Variants in ARFGEF3 observed in about 807,000 individuals in gnomAD.
ARFGEF3 encodes the protein brefeldin A-inhibited guanine nucleotide-exchange protein 3.
In ARFGEF3, 96 loss-of-function variants were observed where a neutral mutation model predicts 221.7. The observed-to-expected ratio is 0.43, with a 90% CI of 0.37 to 0.51. The LOEUF is 0.51. Ranked by LOEUF, ARFGEF3 falls within the 20% of genes least tolerant of loss-of-function variation. ARFGEF3 has a pLI of 0.00. For missense variants in ARFGEF3, 2,410 were observed against 2,789.9 expected (o/e 0.86, Z 3.07); for synonymous variants, 1,145 against 1,126.8 (o/e 1.02, Z -0.32).
chr6:138,190,461 T>A (rs1053977174), intron 2 of ARFGEF3, among the ~76,000 whole-genome samples: 6 of 152,126 alleles, frequency 3.9e-5, no homozygotes, highest in Non-Finnish European at 7.4e-5. Context: ...AATGGTACAG[T>A]TGATCTCAGA....
rs1250054700 is a variant in ARFGEF3, at chr6:138,207,114, A to G, written c.210A>G (p.Ala70=). 9 of 1,610,224 alleles carry G rather than the reference A, an allele frequency of 5.6e-6. No individual in the cohort carries two copies. In the Admixed American group the frequency reaches 8.4e-5, roughly 15 times the overall value. The change falls in exon 3 of 34, where the codon GCA becomes GCG. Residue 70 remains alanine (A), a synonymous_variant. Transcript: ENST00000251691. ...TGAAGCTGGCCCAACATGCTTTGGCAGGGATGCAGGTATGGCTTTGACTGA... is the reference window on the plus strand; with the variant it reads ...TGAAGCTGGCCCAACATGCTTTGGCGGGGATGCAGGTATGGCTTTGACTGA... ...KNVKLAQHAL[A]GMQKLLSEER... is the part of the protein sequence containing the mutation.
chr6:138,226,130 C>A (rs182101522), intron 4 of ARFGEF3, among the ~76,000 whole-genome samples: 3 of 152,246 alleles, frequency 2.0e-5, no homozygotes, highest in African/African-American at 7.2e-5. Context: ...ACAGAGAAAC[C>A]CCCGATCATG....
intron 2 of ARFGEF3, among the ~76,000 whole-genome samples, chr6:138,201,657 T>C (rs192157629): frequency 1.5e-3 from 222 of 152,248 alleles, no homozygotes; most frequent in African/African-American, 5.0e-3. Flanking sequence ...AATGGGCTTT[T>C]TGGGGACTTG....
chr6:138,212,615 T>G (rs1777751731), intron 4 of ARFGEF3, among the ~76,000 whole-genome samples: 1 of 152,152 alleles, frequency 6.6e-6, no homozygotes, highest in Non-Finnish European at 1.5e-5. Context: ...AGCAAAGACT[T>G]GGAACCAACC....
chr6:138,295,064 T>A (rs1457789511), intron 20 of ARFGEF3, among the ~76,000 whole-genome samples: 1 of 152,152 alleles, frequency 6.6e-6, no homozygotes, highest in Non-Finnish European at 1.5e-5. Flanking sequence ...TTTCAGAGAA[T>A]CTCTGAGCCT....
rs1777113882 is a variant in ARFGEF3 at position 138,183,112 on chromosome 6, G to A, written c.137+12399G>A. ...GGTAGGACAGAAGCCAGGAAACTGG[G>A]TCCAGCTGTGCTTGGGGGTTGGGAG... is the stretch of plus-strand genomic sequence containing the variant. On this transcript the variant is annotated intron_variant, in intron 2 of 33. Coordinates refer to ENST00000251691, the MANE Select transcript of ARFGEF3 (RefSeq NM_020340.5). 2.0e-5 allele frequency among the ~76,000 whole-genome samples: 3 copies of A among 152,306 alleles called. No homozygotes were observed. In the South Asian group the frequency reaches 6.2e-4, roughly 32 times the overall value.
chr6:138,287,311 C>T, intron 17 of ARFGEF3, 127 bp downstream of exon 17: 1 of 677,864 alleles, frequency 1.5e-6, no homozygotes, highest in South Asian at 1.8e-5. Flanking sequence ...GTATACACCA[C>T]TGATCACGAG....
intron 12 of ARFGEF3, 98 bp from the exon 13 acceptor site, chr6:138,278,353 A>G: frequency 9.6e-7 from 1 of 1,045,178 alleles, no homozygotes; most frequent in Non-Finnish European, 1.4e-6. Context: ...TATCCTATTG[A>G]TGCAGTATCT....
At position 138,286,775 on chromosome 6, in the gene ARFGEF3, G is replaced by T; in HGVS notation, c.2644G>T (p.Gly882Cys). 6.2e-7 allele frequency: 1 copy of T among 1,614,062 alleles called. No individual in the cohort carries two copies. The highest frequency in any genetic ancestry group is 1.1e-5 in the South Asian group (1 of 91,084). The part of the protein sequence containing the change: ...LIDTLSTPLT[G>C]RMAGSSKGLA... ...CGATACTTTATCAACCCCACTGACT[G>T]GTCGAATGGCGGGGAGCTCCAAAGG... is the stretch of plus-strand genomic sequence containing the variant. Residue 882 changes from glycine to cysteine, a missense_variant, in exon 16 of 34, where the codon GGT becomes TGT. Gly to Cys is a radical substitution (Grantham distance 159). Transcript: ENST00000251691.
chr6:138,291,793 C>A lies in ARFGEF3; in HGVS notation c.3108C>A (p.Pro1036=). Residue 1036 remains proline (P), a synonymous_variant, in exon 19 of 34, where the codon CCC becomes CCA. Coordinates refer to ENST00000251691, the MANE Select transcript of ARFGEF3 (RefSeq NM_020340.5). The surrounding 1 kb of genome is among the most constrained non-coding windows in gnomAD (Gnocchi z 4.5). ...HNHFSDGASQ[P]PLTISQPQKA... is the part of the protein sequence containing the mutation. ...ACTTCAGCGATGGTGCCTCGCAGCC[C>A]CCTCTGACCATCAGCCAGCCCCAGA... 1 of 1,473,834 alleles carries A rather than the reference C, an allele frequency of 6.8e-7. No individual in the cohort carries two copies. The highest frequency in any genetic ancestry group is 2.6e-5 in the East Asian group (1 of 39,130). 91.3% of individuals were successfully genotyped at this position (1,473,834 alleles called of 1,614,324 possible).
chr6:138,238,110 G>GCTAACCCT (rs1778320309), intron 5 of ARFGEF3, among the ~76,000 whole-genome samples: 1 of 152,186 alleles, frequency 6.6e-6, no homozygotes, highest in Admixed American at 6.5e-5. Flanking sequence ...AAAGCGTTTT[G>GCTAACCCT]CTAACCCTTT....
intron 4 of ARFGEF3, among the ~76,000 whole-genome samples, chr6:138,214,242 A>G (rs1199458292): frequency 6.6e-6 from 1 of 152,136 alleles, no homozygotes; most frequent in Non-Finnish European, 1.5e-5. Flanking sequence ...GAATTAGATG[A>G]GTCCCCAGAG....
At chr6:138,275,310 A>G (rs542087508) in intron 12 of ARFGEF3, among the ~76,000 whole-genome samples, 19 of 152,068 alleles carry the variant, frequency 1.2e-4, no homozygotes, top group African/African-American at 4.6e-4. Context: ...TGGGAATAAT[A>G]TAAGGTGGTT....
intron 2 of ARFGEF3, among the ~76,000 whole-genome samples, chr6:138,204,407 TGG>T: frequency 1.3e-5 from 2 of 151,714 alleles, no homozygotes; most frequent in South Asian, 4.2e-4. Flanking sequence ...TGATCTGCAT[TGG>T]GCACTTTGTC....
intron 14 of ARFGEF3, 78 bp downstream of exon 14, chr6:138,280,242 T>C: frequency 2.1e-6 from 3 of 1,417,324 alleles, no homozygotes; most frequent in Non-Finnish European, 2.9e-6. Flanking sequence ...TTCAGAGAAG[T>C]GTTGGTGCTT....
chr6:138,205,757 G>A (rs1259358556), intron 2 of ARFGEF3, among the ~76,000 whole-genome samples: 1 of 152,204 alleles, frequency 6.6e-6, no homozygotes, highest in East Asian at 1.9e-4. Context: ...AATGGATACT[G>A]TAACATTGGG....
At position 138,307,240 on chromosome 6, in the gene ARFGEF3, T is replaced by A; in HGVS notation, c.3829-13T>A. 1 of 1,611,946 alleles carries A rather than the reference T, an allele frequency of 6.2e-7. No homozygotes were observed. Among genetic ancestry groups the A allele is most frequent in the South Asian group, 1.1e-5 (1 of 90,758 alleles). ...GAGAGGGCTTTAAGTGCCACTTGCTTTGCCTCTACCAGGTTGTCACATCCA... is the reference window on the plus strand; with the variant it reads ...GAGAGGGCTTTAAGTGCCACTTGCTATGCCTCTACCAGGTTGTCACATCCA... On this transcript the variant is annotated splice_polypyrimidine_tract_variant and intron_variant, in intron 22 of 33. Transcript: ENST00000251691.
chr6:138,342,022 A>T lies in ARFGEF3; in HGVS notation c.*5536A>T, dbSNP rs868784410. ...CAGCACTCCACTGCTGGTGAATCCC[A>T]TCTAATTATGGTCCTTCCACCCTTT... On this transcript the variant is annotated 3_prime_UTR_variant, in exon 34 of 34. Coordinates refer to ENST00000251691, the MANE Select transcript of ARFGEF3 (RefSeq NM_020340.5). 6.6e-6 allele frequency: 1 copy of T among 152,192 alleles called. No homozygotes were observed. The highest frequency in any genetic ancestry group is 1.5e-5 in the Non-Finnish European group (1 of 68,046). 9.4% of individuals were successfully genotyped at this position (152,192 alleles called of 1,614,324 possible).
At chr6:138,287,250 C>A in intron 17 of ARFGEF3, 66 bp downstream of exon 17, 1 of 1,187,166 alleles carries the variant, frequency 8.4e-7, no homozygotes, top group Non-Finnish European at 1.2e-6. Flanking sequence ...CTGCACAGGC[C>A]TACACACGCC....
Sources: gnomAD v4.1 joint callset for allele counts (sites outside exome capture counted in the v4.1 genomes callset) on GRCh38, gnomAD v4.1.1 for gene constraint, Gnocchi (gnomAD v3.1) non-coding constraint, MANE v1.5 for transcripts, NCBI Gene and HGNC (gene_info 2026-07-23, HGNC 2026-07-21) for gene names.